The following PCDHGB1 variants were observed in gnomAD, a reference collection of about 807,000 sequenced individuals.
PCDHGB1 encodes protocadherin gamma-B1.
Under a neutral mutation model 56.6 loss-of-function variants are expected in PCDHGB1, and 34 were observed. The observed-to-expected ratio is 0.60, with a 90% CI of 0.46 to 0.80. PCDHGB1 has a LOEUF of 0.80. Ranked by LOEUF, PCDHGB1 falls within the 30% of genes least tolerant of loss-of-function variation. The pLI is 0.00. For synonymous variants in PCDHGB1, 561 were observed against 505.9 expected (o/e 1.11, Z -1.46); for missense variants, 1,278 against 1,204.6 (o/e 1.06, Z -0.90).
chr5:141,424,184 C>A, intron 1 of PCDHGB1: 1 of 199,136 alleles, frequency 5.0e-6, no homozygotes, highest in Non-Finnish European at 9.9e-6. Context: ...TACACATGCA[C>A]ACACACTTAT....
chr5:141,459,232 G>C (rs1293027771), intron 1 of PCDHGB1, among the ~76,000 whole-genome samples: 1 of 152,152 alleles, frequency 6.6e-6, no homozygotes, highest in Non-Finnish European at 1.5e-5. Context: ...GCAACAACTG[G>C]TCTGCTTCCT....
At chr5:141,393,889 A>T (rs771844364) in intron 1 of PCDHGB1, 3 of 1,613,998 alleles carry the variant, frequency 1.9e-6, no homozygotes, top group Admixed American at 3.3e-5. Flanking sequence ...GTGTTAGAAA[A>T]TTCTCTTCCC....
Position 141,505,488 on chromosome 5 carries a change from G to A in PCDHGB1, c.2557+7G>A. On this transcript the variant is annotated splice_region_variant and intron_variant, in intron 3 of 3. Transcript: ENST00000523390. Reference sequence around the variant, plus strand: ...ATCTTGGCGTCCGCCAGTGGTAAGTGGTGTCAGTGTGTGTATGGAAGAGTG... The same window carrying A: ...ATCTTGGCGTCCGCCAGTGGTAAGTAGTGTCAGTGTGTGTATGGAAGAGTG... The A allele has an allele frequency of 6.2e-7, 1 of 1,614,222 alleles. No individual in the cohort carries two copies. The highest frequency in any genetic ancestry group is 8.5e-7 in the Non-Finnish European group (1 of 1,180,018).
At chr5:141,376,259 C>T (rs2150078832) in intron 1 of PCDHGB1, 1 of 1,614,236 alleles carries the variant, frequency 6.2e-7, no homozygotes, top group African/African-American at 1.3e-5. Context: ...ACGCCTGCTG[C>T]AGGCTTCGGG....
At chr5:141,387,300 T>C (rs1171181488) in intron 1 of PCDHGB1, among the ~76,000 whole-genome samples, 1 of 152,224 alleles carries the variant, frequency 6.6e-6, no homozygotes, top group Non-Finnish European at 1.5e-5. Context: ...ATGTATCCAG[T>C]ATATTTCTAA....
chr5:141,446,988 C>T (rs548721486), intron 1 of PCDHGB1, among the ~76,000 whole-genome samples: 1 of 152,154 alleles, frequency 6.6e-6, no homozygotes, highest in Non-Finnish European at 1.5e-5. Flanking sequence ...TCATACTCCA[C>T]TCTTCAGACT....
chr5:141,352,175 C>T lies in PCDHGB1; in HGVS notation c.1915C>T (p.Leu639=), dbSNP rs1404224262. 1 of 1,613,662 alleles carries T rather than the reference C, an allele frequency of 6.2e-7. No individual in the cohort carries two copies. The highest frequency in any genetic ancestry group is 1.1e-5 in the South Asian group (1 of 91,076). Residue 639 remains leucine, a synonymous_variant, in exon 1 of 4, where the codon CTG becomes TTG. Transcript: ENST00000523390. The stretch of plus-strand genomic sequence containing the variant: ...CAGGGACGCGGCCCGCCAGCGCCTG[C>T]TGGTCGCTGTGCGTGATGGAGGACA... ...GDRDAARQRL[L]VAVRDGGQPP...
At chr5:141,500,789 C>G (rs1006758925) in intron 2 of PCDHGB1, among the ~76,000 whole-genome samples, 2 of 152,142 alleles carry the variant, frequency 1.3e-5, no homozygotes, top group African/African-American at 4.8e-5. Flanking sequence ...TATTATTTTA[C>G]AGAATAAGTC....
intron 1 of PCDHGB1, chr5:141,384,161 C>T (rs1476096646): frequency 1.2e-6 from 2 of 1,613,520 alleles, no homozygotes; most frequent in Non-Finnish European, 1.7e-6. Flanking sequence ...TATAACATCA[C>T]ACTGAAAGCC....
chr5:141,394,818 C>T lies in PCDHGB1; in HGVS notation c.2409+42149C>T, dbSNP rs2093105005. On this transcript the variant is annotated intron_variant, in intron 1 of 3. Coordinates refer to ENST00000523390, the MANE Select transcript of PCDHGB1 (RefSeq NM_018922.3). Reference sequence around the variant, plus strand: ...CACCGTAGCCGTGGCTGACAGCATCCCCGAAGTCCTGACCGAGTTGGGCAG... The same window carrying T: ...CACCGTAGCCGTGGCTGACAGCATCTCCGAAGTCCTGACCGAGTTGGGCAG... The T allele has an allele frequency of 5.6e-6, 9 of 1,613,904 alleles. No individual in the cohort carries two copies. Among genetic ancestry groups the T allele is most frequent in the Non-Finnish European group, 7.6e-6 (9 of 1,180,012 alleles).
At chr5:141,374,299 G>A (rs1588736812) in intron 1 of PCDHGB1, 1 of 1,613,982 alleles carries the variant, frequency 6.2e-7, no homozygotes, top group Non-Finnish European at 8.5e-7. Context: ...GAGGTAGGAT[G>A]CAGCTTTTCT....
intron 1 of PCDHGB1, chr5:141,414,511 G>A: frequency 1.2e-6 from 2 of 1,613,972 alleles, no homozygotes; most frequent in African/African-American, 1.3e-5. Context: ...TATGCTACAA[G>A]TGGCAGATAT....
At chr5:141,502,291 G>A (rs1346186675) in intron 2 of PCDHGB1, among the ~76,000 whole-genome samples, 1 of 151,370 alleles carries the variant, frequency 6.6e-6, no homozygotes, top group African/African-American at 2.5e-5. Context: ...GCATTTGGTT[G>A]TCACGTCTTT....
In PCDHGB1 at chr5:141,389,981, G is replaced by T. The variant is rs750738084; in HGVS notation, c.2409+37312G>T. On this transcript the variant is annotated intron_variant, in intron 1 of 3. Transcript: ENST00000523390. ...TGGTGGCCTTGGCCTTGATCTCAGT[G>T]CTCTTCCTCGTGGCCATGATTCTGG... The T allele has an allele frequency of 2.5e-6, 4 of 1,614,006 alleles. No homozygotes were observed. The South Asian group carries it at 4.4e-5, about 18-fold the overall frequency.
chr5:141,431,767 T>G lies in PCDHGB1; in HGVS notation c.2410-63040T>G, dbSNP rs1397063213. On this transcript the variant is annotated intron_variant, in intron 1 of 3. Coordinates refer to ENST00000523390, the MANE Select transcript of PCDHGB1 (RefSeq NM_018922.3). The surrounding 1 kb of genome is among the most constrained non-coding windows in gnomAD (Gnocchi z 4.8). ...CTGCGCGAGCCAAAGTCCTGATCAC[T>G]GTTCTGGACGTGAACGACAATGCCC... The G allele has an allele frequency of 6.2e-7, 1 of 1,614,224 alleles. No individual in the cohort carries two copies.
chr5:141,361,294 T>C, intron 1 of PCDHGB1: 1 of 1,613,920 alleles, frequency 6.2e-7, no homozygotes, highest in South Asian at 1.1e-5. Context: ...CTGCCAAGTG[T>C]TGGGAAATGC....
rs368232567 is a variant in PCDHGB1, at chr5:141,371,262, C to G, written c.2409+18593C>G. The G allele has an allele frequency of 2.9e-5, 46 of 1,613,882 alleles. No individual in the cohort carries two copies. The African/African-American group carries it at 5.6e-4, about 20-fold the overall frequency. On this transcript the variant is annotated intron_variant, in intron 1 of 3. Transcript: ENST00000523390. ...CATCAATATTGGCAAGGAAGTGAGACAACTGTTCAAGCTGGACAGTAAAAC... is the reference window on the plus strand; with the variant it reads ...CATCAATATTGGCAAGGAAGTGAGAGAACTGTTCAAGCTGGACAGTAAAAC...
chr5:141,365,211 T>G, intron 1 of PCDHGB1: 1 of 1,613,934 alleles, frequency 6.2e-7, no homozygotes, highest in Middle Eastern at 1.6e-4. Context: ...ACTTTCCAAC[T>G]TGATTCCAAC....
At chr5:141,492,587 C>G (rs2154587748) in intron 1 of PCDHGB1, among the ~76,000 whole-genome samples, 1 of 152,314 alleles carries the variant, frequency 6.6e-6, no homozygotes, top group African/African-American at 2.4e-5. Flanking sequence ...GGGCCAGGAG[C>G]GCTGGAGCGA....
Sources: gnomAD v4.1 joint callset for allele counts (sites outside exome capture counted in the v4.1 genomes callset) on GRCh38, gnomAD v4.1.1 for gene constraint, Gnocchi (gnomAD v3.1) non-coding constraint, MANE v1.5 for transcripts, NCBI Gene and HGNC (gene_info 2026-07-23, HGNC 2026-07-21) for gene names.